Variants in RBFOX1 observed in about 807,000 individuals in gnomAD.
RBFOX1 encodes the protein RNA binding protein fox-1 homolog 1.
Under a neutral mutation model 57.7 loss-of-function variants are expected in RBFOX1, and 8 were observed. The observed-to-expected ratio is 0.14, with a 90% CI of 0.08 to 0.25. The LOEUF (loss-of-function observed/expected upper bound fraction) is 0.25. RBFOX1 is among the 10% of genes least tolerant of loss of function. RBFOX1 has a pLI of 1.00. For synonymous variants in RBFOX1, 326 were observed against 222.4 expected (o/e 1.47, Z -4.15); for missense variants, 611 against 548.5 (o/e 1.11, Z -1.14).
intron 4 of RBFOX1, among the ~76,000 whole-genome samples, chr16:7,127,368 A>G (rs1192806442): frequency 6.6e-6 from 1 of 152,236 alleles, no homozygotes; most frequent in Non-Finnish European, 1.5e-5. Context: ...AGCATTTTGT[A>G]AATAATAACT....
chr16:5,953,474 T>C (rs1259014653), intron 4 of RBFOX1, among the ~76,000 whole-genome samples: 1 of 152,070 alleles, frequency 6.6e-6, no homozygotes, highest in Non-Finnish European at 1.5e-5. Flanking sequence ...GTTTGTAGTC[T>C]TTTATCCCTC....
chr16:5,516,627 A>G (rs2043802435), intron 2 of RBFOX1, among the ~76,000 whole-genome samples: 1 of 152,124 alleles, frequency 6.6e-6, no homozygotes, highest in South Asian at 2.1e-4. Context: ...GTTTTGTGGT[A>G]TTTCCACCCA....
intron 1 of RBFOX1, among the ~76,000 whole-genome samples, chr16:5,450,473 C>G (rs201738921): frequency 5.9e-5 from 9 of 152,146 alleles, no homozygotes; most frequent in Non-Finnish European, 2.9e-5. Flanking sequence ...AACCCTGCTG[C>G]GGTACAACCA....
intron 4 of RBFOX1, among the ~76,000 whole-genome samples, chr16:7,284,159 C>G (rs2058748367): frequency 6.6e-6 from 1 of 152,216 alleles, no homozygotes; most frequent in Non-Finnish European, 1.5e-5. Flanking sequence ...TACAGATGCA[C>G]TATAGTTTAT....
intron 1 of RBFOX1, among the ~76,000 whole-genome samples, chr16:5,454,453 G>A (rs1444592957): frequency 6.6e-6 from 1 of 152,166 alleles, no homozygotes; most frequent in Non-Finnish European, 1.5e-5. Context: ...ATTCTGTGAG[G>A]GTGTTTTTAT....
intron 1 of RBFOX1, among the ~76,000 whole-genome samples, chr16:6,136,287 C>G (rs145913335): frequency 2.0e-5 from 3 of 152,094 alleles, no homozygotes; most frequent in African/African-American, 7.2e-5. Flanking sequence ...TGCTGGCTCC[C>G]CTTGGTTTAG....
chr16:7,093,951 A>G (rs1483312987), intron 4 of RBFOX1, among the ~76,000 whole-genome samples: 3 of 151,736 alleles, frequency 2.0e-5, no homozygotes, highest in African/African-American at 4.8e-5. Flanking sequence ...AGGCGTATAT[A>G]ATTTTTTTAA....
Position 5,296,085 on chromosome 16 carries a change from T to C in RBFOX1, c.219+55980T>C, listed in dbSNP as rs78095761. Among the ~76,000 whole-genome samples, 35 of 33,114 alleles carry C rather than the reference T, an allele frequency of 1.1e-3. No homozygotes were observed. The South Asian group carries it at 0.086, about 81-fold the overall frequency. 21.7% of individuals were successfully genotyped at this position (33,114 alleles called of 152,430 possible). The stretch of plus-strand genomic sequence containing the variant: ...CCCTCCATTGCGCCCGGGTTCCCCC[T>C]GAGCTTCTCCTGTGTTGTTCTCACA... On this transcript the variant is annotated intron_variant, in intron 1 of 2. Coordinates refer to the RBFOX1 transcript ENST00000585867.
At chr16:6,307,108 G>A (rs866254598) in intron 1 of RBFOX1, among the ~76,000 whole-genome samples, 1 of 152,328 alleles carries the variant, frequency 6.6e-6, no homozygotes. Context: ...TGGCTTTGCT[G>A]TTGACTAGTG....
intron 2 of RBFOX1, among the ~76,000 whole-genome samples, chr16:6,437,571 A>C (rs1597240200): frequency 6.6e-6 from 1 of 152,306 alleles, no homozygotes; most frequent in East Asian, 1.9e-4. Flanking sequence ...TGTGTGTATT[A>C]GTCCATTGCT....
chr16:6,988,609 G>A (rs117169394), intron 3 of RBFOX1, among the ~76,000 whole-genome samples: 2 of 150,784 alleles, frequency 1.3e-5, no homozygotes, highest in African/African-American at 2.4e-5. Flanking sequence ...GTCTTGCTCT[G>A]TCCCCTAGGC....
At chr16:6,558,490 C>T (rs1320857816) in intron 2 of RBFOX1, among the ~76,000 whole-genome samples, 1 of 152,140 alleles carries the variant, frequency 6.6e-6, no homozygotes, top group Non-Finnish European at 1.5e-5. Context: ...CTTGAGTCAT[C>T]TGTCACGTTG....
intron 4 of RBFOX1, among the ~76,000 whole-genome samples, chr16:5,938,181 C>G (rs1268595096): frequency 6.6e-6 from 1 of 152,142 alleles, no homozygotes; most frequent in East Asian, 1.9e-4. Context: ...AATACTCCTT[C>G]TGGAATATTC....
chr16:6,923,785 C>G (rs569720859), intron 3 of RBFOX1, among the ~76,000 whole-genome samples: 168 of 152,200 alleles, frequency 1.1e-3, no homozygotes, highest in Non-Finnish European at 1.5e-3. Flanking sequence ...ATTTTGGAGT[C>G]CAATAAAGGA....
At chr16:6,341,565 TAATG>T (rs1249730172) in intron 2 of RBFOX1, among the ~76,000 whole-genome samples, 1 of 152,212 alleles carries the variant, frequency 6.6e-6, no homozygotes, top group African/African-American at 2.4e-5. Context: ...TTAAAGATAA[TAATG>T]CTGATTCTTG....
At chr16:6,213,434 T>C (rs376772580) in intron 1 of RBFOX1, among the ~76,000 whole-genome samples, 1 of 152,144 alleles carries the variant, frequency 6.6e-6, no homozygotes, top group Admixed American at 6.5e-5. Flanking sequence ...ACCGGCAATA[T>C]GGAAAACCTC....
At chr16:7,319,097 T>G (rs1040671565) in intron 4 of RBFOX1, among the ~76,000 whole-genome samples, 9 of 152,204 alleles carry the variant, frequency 5.9e-5, no homozygotes, top group Non-Finnish European at 1.3e-4. Flanking sequence ...TTATCCTAAT[T>G]TTAAATCCTT....
intron 2 of RBFOX1, among the ~76,000 whole-genome samples, chr16:6,386,504 C>T (rs574610134): frequency 7.2e-5 from 11 of 152,152 alleles, no homozygotes; most frequent in African/African-American, 2.2e-4. Context: ...ATACACCAAA[C>T]ATGATTCCTG....
chr16:5,564,005 A>G (rs1208175260), intron 2 of RBFOX1, among the ~76,000 whole-genome samples: 2 of 151,880 alleles, frequency 1.3e-5, no homozygotes, highest in Non-Finnish European at 2.9e-5. Flanking sequence ...TGTAGGAGAG[A>G]GTTTTTTTAA....
Sources: gnomAD v4.1 joint callset for allele counts (sites outside exome capture counted in the v4.1 genomes callset) on GRCh38, gnomAD v4.1.1 for gene constraint, MANE v1.5 for transcripts, NCBI Gene and HGNC (gene_info 2026-07-23, HGNC 2026-07-21) for gene names.